ARID2: variants seen among roughly 807,000 people sequenced by gnomAD.
The protein encoded by ARID2 is AT-rich interaction domain 2.
ARID2 carries 32 observed loss-of-function variants against 184.6 expected under a neutral mutation model. That is an observed-to-expected ratio of 0.17 (90% CI 0.13 to 0.23). ARID2 has a LOEUF of 0.23. Among genes scored for constraint, ARID2 ranks in the 10% least tolerant of loss-of-function variants. The pLI is 1.00. For missense variants in ARID2, 1,696 were observed against 2,197.6 expected, an observed-to-expected ratio of 0.77 and a Z score of 4.56; for synonymous variants, 836 against 772.6, an observed-to-expected ratio of 1.08 and a Z score of -1.36.
chr12:45,819,885 G>A (rs1236026574), intron 5 of ARID2, among the ~76,000 whole-genome samples: 2 of 151,682 alleles, frequency 1.3e-5, no homozygotes, highest in South Asian at 2.1e-4. Flanking sequence ...CTAGGACTAC[G>A]AGTGAGCACC....
intron 3 of ARID2, chr12:45,755,945 A>T: frequency 6.1e-6 from 1 of 163,966 alleles, no homozygotes. Context: ...TCACTCTGTC[A>T]CCCAGGCTGG....
At chr12:45,788,177 C>G (rs139636761) in intron 3 of ARID2, among the ~76,000 whole-genome samples, 1 of 152,292 alleles carries the variant, frequency 6.6e-6, no homozygotes, top group East Asian at 1.9e-4. Flanking sequence ...GTATTGAGAA[C>G]ATGAGCATTA....
At chr12:45,861,580 C>CTTT (rs11303020) in intron 16 of ARID2, among the ~76,000 whole-genome samples, 2 of 96,974 alleles carry the variant, frequency 2.1e-5, no homozygotes, top group Non-Finnish European at 3.9e-5. Flanking sequence ...AGGCATTTGT[C>CTTT]TTTTTTTTTT....
At chr12:45,765,398 A>G (rs1020918937) in intron 3 of ARID2, among the ~76,000 whole-genome samples, 3 of 151,944 alleles carry the variant, frequency 2.0e-5, no homozygotes, top group Non-Finnish European at 4.4e-5. Flanking sequence ...ATTTGTAGAG[A>G]TGGTGTCTCA....
At chr12:45,858,163 T>C (rs1195166186) in intron 15 of ARID2, among the ~76,000 whole-genome samples, 1 of 152,208 alleles carries the variant, frequency 6.6e-6, no homozygotes, top group Non-Finnish European at 1.5e-5. Flanking sequence ...TAGAATACTC[T>C]TTCCCAGTTT....
intron 3 of ARID2, among the ~76,000 whole-genome samples, chr12:45,787,348 G>C (rs1942214438): frequency 6.6e-6 from 1 of 151,436 alleles, no homozygotes; most frequent in Non-Finnish European, 1.5e-5. Context: ...CTCCTATGTA[G>C]CTGGGACTGC....
intron 6 of ARID2, among the ~76,000 whole-genome samples, chr12:45,833,891 G>A (rs1010942461): frequency 3.9e-5 from 6 of 152,134 alleles, no homozygotes; most frequent in African/African-American, 1.2e-4. Context: ...TATGTATGTA[G>A]ATTCATGGAG....
chr12:45,866,535 A>G (rs1943833688), intron 16 of ARID2, among the ~76,000 whole-genome samples: 1 of 152,232 alleles, frequency 6.6e-6, no homozygotes, highest in African/African-American at 2.4e-5. Flanking sequence ...ATTTTTGTAG[A>G]AGTACCATCT....
intron 6 of ARID2, among the ~76,000 whole-genome samples, chr12:45,833,133 G>A (rs370434765): frequency 1.4e-4 from 21 of 152,086 alleles, no homozygotes; most frequent in East Asian, 1.2e-3. Context: ...AGCAAATCTT[G>A]TATATTTTCT....
rs141209246 is a variant in ARID2 at position 45,838,270 on chromosome 12, T to C, written c.1330+563T>C. ...CTCCATAAGAGCTATCAGTTTTAAATATACTTACTAACACATGCCATGTTA... is the reference window on the plus strand; with the variant it reads ...CTCCATAAGAGCTATCAGTTTTAAACATACTTACTAACACATGCCATGTTA... On this transcript the variant is annotated intron_variant, in intron 10 of 20. Coordinates refer to ENST00000334344, the MANE Select transcript of ARID2 (RefSeq NM_152641.4). Among the ~76,000 whole-genome samples, 14 of 152,374 alleles carry C rather than the reference T, an allele frequency of 9.2e-5. No individual in the cohort carries two copies. The East Asian group carries it at 2.3e-3, about 25-fold the overall frequency.
intron 16 of ARID2, among the ~76,000 whole-genome samples, chr12:45,874,921 C>A (rs376455980): frequency 2.6e-5 from 4 of 152,094 alleles, no homozygotes; most frequent in South Asian, 4.1e-4. Flanking sequence ...CCTAGGAGTT[C>A]AAGATGAGGC....
At position 45,780,821 on chromosome 12, in the gene ARID2, T is replaced by C. The variant is rs1471422402; in HGVS notation, c.285-30597T>C. ...TTTTAGTAGTGATGGGGTTTCACTA[T>C]GTTGGCCAGGCTGTTCTCGAACTCC... On this transcript the variant is annotated intron_variant, in intron 3 of 20. Coordinates refer to ENST00000334344, the MANE Select transcript of ARID2 (RefSeq NM_152641.4). Among the ~76,000 whole-genome samples, 4 of 152,164 alleles carry C rather than the reference T, an allele frequency of 2.6e-5. No individual in the cohort carries two copies. The East Asian group carries it at 5.8e-4, about 22-fold the overall frequency.
At chr12:45,732,849 A>G (rs1220125998) in intron 3 of ARID2, among the ~76,000 whole-genome samples, 1 of 152,200 alleles carries the variant, frequency 6.6e-6, no homozygotes, top group Non-Finnish European at 1.5e-5. Flanking sequence ...AAGAGTTTAC[A>G]TTCATACTAA....
At chr12:45,823,054 A>G (rs1327970198) in intron 6 of ARID2, among the ~76,000 whole-genome samples, 1 of 152,132 alleles carries the variant, frequency 6.6e-6, no homozygotes, top group African/African-American at 2.4e-5. Context: ...TCTCTGGGAT[A>G]GACCATATCG....
intron 16 of ARID2, among the ~76,000 whole-genome samples, chr12:45,868,306 T>C (rs1943863114): frequency 6.6e-6 from 1 of 152,124 alleles, no homozygotes; most frequent in Non-Finnish European, 1.5e-5. Flanking sequence ...CTAGGCATGG[T>C]GGCGGGTACC....
intron 3 of ARID2, among the ~76,000 whole-genome samples, chr12:45,796,733 G>A (rs572863368): frequency 1.4e-4 from 21 of 152,126 alleles, no homozygotes; most frequent in Admixed American, 7.2e-4. Context: ...GGCTGGTCTC[G>A]AACTCCTAAC....
rs746263956 is a variant in ARID2 at position 45,796,396 on chromosome 12, CCTTATAAGCAGTGA to C, written c.285-15020_285-15007del. ...GTTGGATAGTTAGGTTGTTTTTCTT[CCTTATAAGCAGTGA>C]CAGTTTGAGTTTTTTTGGTAAATCT... On this transcript the variant is annotated intron_variant, in intron 3 of 20. Transcript: ENST00000334344. Among the ~76,000 whole-genome samples, 37 of 152,004 alleles carry C rather than the reference CCTTATAAGCAGTGA, an allele frequency of 2.4e-4. 1 individual carries two copies. Among genetic ancestry groups the C allele is most frequent in the Admixed American group, 1.6e-3 (24 of 15,250 alleles).
In ARID2 at chr12:45,808,736, CGTGTGTGTGTGTGTGTGTGTGTGTAT is replaced by C. The variant is rs1002996463; in HGVS notation, c.285-2665_285-2640del. On this transcript the variant is annotated intron_variant, in intron 3 of 20. Transcript: ENST00000334344. ...GTTATTAAAAATGTGTGTTTGCGTG[CGTGTGTGTGTGTGTGTGTGTGTGTAT>C]GTGTGTGTGTGTGTGTTGAGACGAA... Among the ~76,000 whole-genome samples the C allele has an allele frequency of 4.1e-5, 6 of 147,590 alleles. No individual in the cohort carries two copies. In the East Asian group the frequency reaches 1.2e-3, roughly 29 times the overall value.
intron 15 of ARID2, among the ~76,000 whole-genome samples, chr12:45,853,754 A>G (rs1943597725): frequency 6.6e-6 from 1 of 152,194 alleles, no homozygotes; most frequent in African/African-American, 2.4e-5. Flanking sequence ...CTGCTGACAC[A>G]GTTCTGGCTT....
Sources: gnomAD v4.1 joint callset for allele counts (sites outside exome capture counted in the v4.1 genomes callset) on GRCh38, gnomAD v4.1.1 for gene constraint, MANE v1.5 for transcripts, NCBI Gene and HGNC (gene_info 2026-07-23, HGNC 2026-07-21) for gene names.